The following NUDCD3 variants were observed in gnomAD, a reference collection of about 807,000 sequenced individuals.
NUDCD3 encodes the protein NudC domain containing 3, also known as nudC domain-containing protein 3.
Under a neutral mutation model 39.7 loss-of-function variants are expected in NUDCD3, and 13 were observed. The observed-to-expected ratio is 0.33, with a 90% CI of 0.21 to 0.52. The LOEUF (loss-of-function observed/expected upper bound fraction) is 0.52. Ranked by LOEUF, NUDCD3 falls within the 20% of genes least tolerant of loss-of-function variation. The pLI is 0.96. For missense variants in NUDCD3, 453 were observed against 458.1 expected (o/e 0.99, Z 0.10); for synonymous variants, 175 against 172.4 (o/e 1.02, Z -0.12).
intron 2 of NUDCD3, among the ~76,000 whole-genome samples, chr7:44,428,732 TAACAA>T (rs1209465628): frequency 6.6e-6 from 1 of 152,314 alleles, no homozygotes; most frequent in African/African-American, 2.4e-5. Flanking sequence ...CCATAAAATG[TAACAA>T]TGCTAATAAT....
intron 2 of NUDCD3, among the ~76,000 whole-genome samples, chr7:44,437,347 C>T (rs1339653656): frequency 2.6e-5 from 4 of 151,946 alleles, no homozygotes; most frequent in African/African-American, 9.7e-5. Context: ...GGATTACAGG[C>T]GTGAGCCACC....
chr7:44,422,383 C>A (rs1328946496), intron 3 of NUDCD3, among the ~76,000 whole-genome samples: 2 of 151,062 alleles, frequency 1.3e-5, no homozygotes, highest in African/African-American at 2.4e-5. Flanking sequence ...ACAAAATAGA[C>A]CACTAACCAG....
At chr7:44,438,375 A>G (rs1209601223) in intron 2 of NUDCD3, among the ~76,000 whole-genome samples, 1 of 152,218 alleles carries the variant, frequency 6.6e-6, no homozygotes, top group African/African-American at 2.4e-5. Context: ...TATAGTACCT[A>G]TAGTATCAAA....
At chr7:44,394,054 A>G (rs1311013201) in intron 4 of NUDCD3, among the ~76,000 whole-genome samples, 1 of 152,224 alleles carries the variant, frequency 6.6e-6, no homozygotes, top group Non-Finnish European at 1.5e-5. Flanking sequence ...CCAGGGATCA[A>G]GTCCGAGAAT....
At chr7:44,452,616 C>T (rs1483426165) in intron 2 of NUDCD3, among the ~76,000 whole-genome samples, 3 of 152,178 alleles carry the variant, frequency 2.0e-5, no homozygotes, top group African/African-American at 4.8e-5. Flanking sequence ...ATTCTGACTC[C>T]GTACCTCCTT....
intron 3 of NUDCD3, among the ~76,000 whole-genome samples, chr7:44,422,491 A>G (rs892842553): frequency 2.0e-5 from 3 of 152,240 alleles, no homozygotes; most frequent in African/African-American, 7.2e-5. Flanking sequence ...AGCTACCATC[A>G]GAGAATACTA....
At chr7:44,490,241 G>T in intron 1 of NUDCD3, 168 bp downstream of exon 1, 1 of 658,202 alleles carries the variant, frequency 1.5e-6, no homozygotes, top group Non-Finnish European at 2.5e-6. Flanking sequence ...AGCGGAATAA[G>T]CTGACATCCA....
intron 2 of NUDCD3, among the ~76,000 whole-genome samples, chr7:44,459,317 G>A (rs554874015): frequency 5.9e-5 from 9 of 151,768 alleles, no homozygotes; most frequent in Admixed American, 5.9e-4. Flanking sequence ...TCCCATCTCG[G>A]CCCCCTGAAT....
chr7:44,389,953 T>C (rs79925644), intron 5 of NUDCD3, among the ~76,000 whole-genome samples: 2,538 of 152,304 alleles, frequency 0.017, 54 homozygotes, highest in African/African-American at 0.057. Flanking sequence ...CAGGTATTCC[T>C]GCTATTTTGT....
chr7:44,480,262 T>C (rs1183519320), intron 2 of NUDCD3, among the ~76,000 whole-genome samples: 1 of 152,182 alleles, frequency 6.6e-6, no homozygotes, highest in Non-Finnish European at 1.5e-5. Flanking sequence ...TTTCATTTTT[T>C]AGAGATCATA....
chr7:44,459,253 C>T (rs1210856079), intron 2 of NUDCD3, among the ~76,000 whole-genome samples: 3 of 149,908 alleles, frequency 2.0e-5, no homozygotes, highest in African/African-American at 7.4e-5. Context: ...AGGCTGAGTG[C>T]AGTGGCACGA....
At chr7:44,468,151 G>T (rs753434935) in intron 2 of NUDCD3, 1 of 1,605,524 alleles carries the variant, frequency 6.2e-7, no homozygotes, top group South Asian at 1.1e-5. Flanking sequence ...TCAAGGAGCT[G>T]GAAGTGCTGC....
intron 2 of NUDCD3, among the ~76,000 whole-genome samples, chr7:44,435,521 G>C (rs1057451991): frequency 6.6e-6 from 1 of 152,216 alleles, no homozygotes; most frequent in Non-Finnish European, 1.5e-5. Context: ...GGTCACCTTT[G>C]GTGATCAGAG....
intron 3 of NUDCD3, among the ~76,000 whole-genome samples, chr7:44,412,570 T>C (rs1279313725): frequency 6.6e-6 from 1 of 152,194 alleles, no homozygotes; most frequent in Admixed American, 6.5e-5. Flanking sequence ...GGGGCCCAAA[T>C]TGCCACTTAG....
intron 2 of NUDCD3, among the ~76,000 whole-genome samples, chr7:44,462,944 G>GGTGT (rs1800043783): frequency 1.8e-5 from 2 of 111,502 alleles, no homozygotes; most frequent in African/African-American, 3.9e-5. Context: ...ACACAACCAG[G>GGTGT]CTGTGTGTGT....
intron 2 of NUDCD3, among the ~76,000 whole-genome samples, chr7:44,464,523 G>A (rs1242428426): frequency 5.3e-5 from 8 of 151,380 alleles, no homozygotes; most frequent in African/African-American, 1.2e-4. Context: ...GCACAATCTC[G>A]GCTCATTGCA....
intron 4 of NUDCD3, among the ~76,000 whole-genome samples, chr7:44,396,877 T>C (rs1798635334): frequency 6.6e-6 from 1 of 152,244 alleles, no homozygotes; most frequent in Non-Finnish European, 1.5e-5. Flanking sequence ...ACAATGTTCC[T>C]AGGATGGAGT....
At chr7:44,454,465 G>T (rs1216436258) in intron 2 of NUDCD3, among the ~76,000 whole-genome samples, 1 of 152,246 alleles carries the variant, frequency 6.6e-6, no homozygotes, top group East Asian at 1.9e-4. Flanking sequence ...TTAAATGACT[G>T]AATTAAAATC....
chr7:44,439,311 A>T (rs553456455), intron 2 of NUDCD3, among the ~76,000 whole-genome samples: 30 of 152,298 alleles, frequency 2.0e-4, no homozygotes, highest in African/African-American at 7.0e-4. Context: ...GTGACAGCTC[A>T]TGTTTAGTTC....
Sources: gnomAD v4.1 joint callset for allele counts (sites outside exome capture counted in the v4.1 genomes callset) on GRCh38, gnomAD v4.1.1 for gene constraint, MANE v1.5 for transcripts, NCBI Gene and HGNC (gene_info 2026-07-23, HGNC 2026-07-21) for gene names.